IL4I1: variants seen among roughly 807,000 people sequenced by gnomAD.
IL4I1 encodes interleukin 4 induced 1, also known as L-amino-acid oxidase.
A neutral mutation model predicts 29.7 loss-of-function variants in IL4I1; 24 were observed. The ratio of observed to expected loss-of-function variants is 0.81; its 90% confidence interval spans 0.59 to 1.14. IL4I1 has a LOEUF of 1.14. IL4I1 is among the 50% of genes most tolerant of loss of function. IL4I1 has a pLI of 0.00. For synonymous variants in IL4I1, 371 were observed against 352.5 expected, an observed-to-expected ratio of 1.05 and a Z score of -0.59; for missense variants, 686 against 785.6, an observed-to-expected ratio of 0.87 and a Z score of 1.52.
At chr19:49,897,716 T>G (rs1245199447), upstream of IL4I1, among the ~76,000 whole-genome samples, 1 of 107,178 alleles carries the variant, frequency 9.3e-6, no homozygotes, top group African/African-American at 4.7e-5. Context: ...CACCTTGGAG[T>G]GGGTGGGGGT....
At chr19:49,923,380 C>A (rs971846874) in intron 2 of IL4I1, among the ~76,000 whole-genome samples, 1 of 152,156 alleles carries the variant, frequency 6.6e-6, no homozygotes, top group African/African-American at 2.4e-5. Context: ...TGTATTGATG[C>A]CTACGGAAAT....
chr19:49,929,119 C>G (rs898785679), intron 1 of IL4I1: 7 of 151,930 alleles, frequency 4.6e-5, no homozygotes, highest in African/African-American at 1.7e-4. Flanking sequence ...CGGTTGGGGC[C>G]GCGCGAGGGC....
chr19:49,908,607 TCTG>T, intron 2 of IL4I1: 1 of 1,613,942 alleles, frequency 6.2e-7, no homozygotes, highest in Non-Finnish European at 8.5e-7. Flanking sequence ...TCCAGCTCCT[TCTG>T]CTGGGACAGG....
rs749963823 is a variant in IL4I1 at position 49,890,948 on chromosome 19, T to G, written c.773+23A>C. The G allele has an allele frequency of 1.0e-3, 175 of 173,416 alleles. 1 individual carries two copies. The highest frequency in any genetic ancestry group is 6.0e-4 in the East Asian group (4 of 6,686). The allele number at this position is 173,416 out of a possible 1,614,324, so 10.7% of individuals were successfully genotyped here. On this transcript the variant is annotated intron_variant, in intron 7 of 7. Coordinates refer to ENST00000391826, the MANE Select transcript of IL4I1 (RefSeq NM_152899.2). ...CTGATTGCCCCCCGCCCCCCCCCCC[T>G]GCCCGCCAGCCCCGCCCCTTACTGG...
intron 5 of IL4I1, among the ~76,000 whole-genome samples, chr19:49,892,409 G>A (rs1173832842): frequency 2.6e-5 from 4 of 152,052 alleles, no homozygotes; most frequent in Non-Finnish European, 2.9e-5. Flanking sequence ...TCTGGGGAAG[G>A]CCTCATGGTC....
chr19:49,890,129 C>G lies in IL4I1; in HGVS notation c.1245G>C (p.Ala415=), dbSNP rs752017974. 2.8e-5 allele frequency: 43 copies of G among 1,542,582 alleles called. No homozygotes were observed. The South Asian group carries it at 2.9e-4, about 10-fold the overall frequency. ...CCACGTCGTCGAGCGCCAAGCGCAA[C>G]GCCTCTTCCCGGCTCAAGCCGGCGA... ...AAFAGLSREE[A]LRLALDDVAA... Residue 415 remains alanine, a synonymous_variant, in exon 8 of 8, where the codon GCG becomes GCC. Coordinates refer to ENST00000391826, the MANE Select transcript of IL4I1 (RefSeq NM_152899.2).
At position 49,921,115 on chromosome 19, in the gene IL4I1, C is replaced by A. The variant is rs1430519117; in HGVS notation, c.-228+6579G>T. Among the ~76,000 whole-genome samples, 4 of 152,200 alleles carry A rather than the reference C, an allele frequency of 2.6e-5. No individual in the cohort carries two copies. Among genetic ancestry groups the A allele is most frequent in the Non-Finnish European group, 4.4e-5 (3 of 68,038 alleles). ...CCCACATTTCATGGCATTTCTCACGCGCTGGGCTGTTTCCAGGGCTTCACC... is the reference window on the plus strand; with the variant it reads ...CCCACATTTCATGGCATTTCTCACGAGCTGGGCTGTTTCCAGGGCTTCACC... On this transcript the variant is annotated intron_variant, in intron 2 of 9. Transcript: ENST00000341114. The surrounding 1 kb of genome is among the most constrained non-coding windows in gnomAD (Gnocchi z 5.4).
At position 49,890,165 on chromosome 19, in the gene IL4I1, C is replaced by T. The variant is rs745745610; in HGVS notation, c.1209G>A (p.Ala403=). Residue 403 remains alanine, a synonymous_variant, in exon 8 of 8, where the codon GCG becomes GCA. Transcript: ENST00000391826. ...LLLASYTWSD[A]AAAFAGLSRE... is the part of the protein sequence containing the mutation. ...GGCTCAAGCCGGCGAACGCTGCCGC[C>T]GCGTCCGACCACGTGTACGAGGCCA... The T allele has an allele frequency of 1.2e-5, 19 of 1,542,182 alleles. No individual in the cohort carries two copies. Among genetic ancestry groups the T allele is most frequent in the Admixed American group, 5.9e-5 (3 of 50,886 alleles).
chr19:49,908,102 C>T lies in IL4I1; in HGVS notation c.-227-3781G>A, dbSNP rs145144537. On this transcript the variant is annotated intron_variant, in intron 2 of 9. Coordinates refer to the IL4I1 transcript ENST00000341114. ...AAATGGAAAAACGCAAAGCACACAG[C>T]GATCATGTCAAGGGCAGTCATGTGA... 1,335 of 1,487,532 alleles carry T rather than the reference C, an allele frequency of 9.0e-4. 13 individuals carry two copies. The African/African-American group carries it at 0.016, about 18-fold the overall frequency. 92.1% of individuals were successfully genotyped at this position (1,487,532 alleles called of 1,614,324 possible).
At chr19:49,890,680 G>A (rs1367671662) in intron 7 of IL4I1, 80 bp from the exon 8 acceptor site, 3 of 1,169,854 alleles carry the variant, frequency 2.6e-6, no homozygotes, top group Non-Finnish European at 3.3e-6. Flanking sequence ...ACCCACCCCG[G>A]CAGCTGGCCC....
Position 49,908,957 on chromosome 19 carries a change from C to CTGG in IL4I1, c.-227-4637_-227-4636insCCA, listed in dbSNP as rs755277180. On this transcript the variant is annotated intron_variant, in intron 2 of 9. Coordinates refer to the IL4I1 transcript ENST00000341114. ...CAAGGCAAAGCCGGTGGTGCTGCTG[C>CTGG]TGCTGGTGGTGGTGGCGGTGGCGGT... 5.6e-6 allele frequency: 9 copies of CTGG among 1,609,452 alleles called. No homozygotes were observed. The highest frequency in any genetic ancestry group is 2.2e-5 in the East Asian group (1 of 44,818).
In IL4I1 at chr19:49,890,488, C is replaced by T. The variant is rs1255770672; in HGVS notation, c.886G>A (p.Asp296Asn). 1.2e-6 allele frequency: 2 copies of T among 1,611,776 alleles called. No homozygotes were observed. The highest frequency in any genetic ancestry group is 1.7e-6 in the Non-Finnish European group (2 of 1,179,826). ...GAGGTCTCGATCTGCACGTGCACAT[C>T]GTGCGGTCCCTGGGTCATCGCCACC... Reference protein sequence around the residue: ...PVVAMTQGPHDVHVQIETSPP... With the variant: ...PVVAMTQGPHNVHVQIETSPP... Residue 296 changes from aspartate (D) to asparagine (N), a missense_variant, in exon 8 of 8, where the codon GAT becomes AAT. Coordinates refer to ENST00000391826, the MANE Select transcript of IL4I1 (RefSeq NM_152899.2).
intron 2 of IL4I1, chr19:49,908,280 G>A (rs747835540): frequency 8.1e-6 from 13 of 1,613,652 alleles, no homozygotes; most frequent in African/African-American, 2.7e-5. Context: ...TGCTCCTTGC[G>A]CCGGCCCTCG....
chr19:49,916,897 G>GGC (rs2075638843), intron 2 of IL4I1, among the ~76,000 whole-genome samples: 2 of 152,216 alleles, frequency 1.3e-5, no homozygotes, highest in Admixed American at 6.5e-5. Flanking sequence ...CTTCAGCCTG[G>GGC]GCGGCTGAGC....
At chr19:49,918,157 T>C (rs542777299) in intron 2 of IL4I1, among the ~76,000 whole-genome samples, 27 of 152,140 alleles carry the variant, frequency 1.8e-4, no homozygotes, top group African/African-American at 6.0e-4. Flanking sequence ...GCCTCGACTT[T>C]CTGGGCTCAA....
intron 2 of IL4I1, among the ~76,000 whole-genome samples, chr19:49,920,248 A>C (rs2075732787): frequency 6.6e-6 from 1 of 152,186 alleles, no homozygotes; most frequent in Non-Finnish European, 1.5e-5. Context: ...ACACCCAGCT[A>C]ACTTTTGTAT....
intron 2 of IL4I1, chr19:49,908,149 G>A (rs1457811940): frequency 3.2e-6 from 5 of 1,546,044 alleles, no homozygotes; most frequent in East Asian, 2.4e-5. Flanking sequence ...AAACAAACAA[G>A]TATCTTGCCA....
chr19:49,911,854 G>A (rs1057165442), intron 2 of IL4I1, among the ~76,000 whole-genome samples: 5 of 152,260 alleles, frequency 3.3e-5, no homozygotes, highest in Admixed American at 6.5e-5. Context: ...AGAGGCCACG[G>A]CAAGTGCCTG....
rs148769063 is a variant in IL4I1 at position 49,889,762 on chromosome 19, A to C, written c.1612T>G (p.Ser538Ala). ...CCTTCTTCCTTTGCCAGGTCATGCG[A>C]GGGGCTGCTGGCCACCCCATGCACA... ...GHVHGVASSP[S>A]HDLAKEEGSH... Residue 538 changes from serine to alanine, a missense_variant, in exon 8 of 8, where the codon TCG becomes GCG. Ser to Ala is a moderately conservative substitution (Grantham distance 99, BLOSUM62 1). Coordinates refer to ENST00000391826, the MANE Select transcript of IL4I1 (RefSeq NM_152899.2). 542 of 1,523,428 alleles carry C rather than the reference A, an allele frequency of 3.6e-4. 1 individual carries two copies. The highest frequency in any genetic ancestry group is 1.5e-3 in the South Asian group (112 of 76,894). The allele number at this position is 1,523,428 out of a possible 1,614,324, so 94.4% of individuals were successfully genotyped here.
Sources: allele counts gnomAD v4.1 joint callset (sites outside exome capture counted in the v4.1 genomes callset), GRCh38; gene constraint gnomAD v4.1.1; non-coding constraint Gnocchi (gnomAD v3.1); transcripts MANE v1.5; gene names NCBI Gene and HGNC (gene_info 2026-07-23, HGNC 2026-07-21).